PDE1C: variants seen among roughly 807,000 people sequenced by gnomAD.
PDE1C encodes dual specificity calcium/calmodulin-dependent 3',5'-cyclic nucleotide phosphodiesterase 1C.
PDE1C carries 62 observed loss-of-function variants against 93.1 expected under a neutral mutation model. The ratio of observed to expected loss-of-function variants is 0.67; its 90% CI spans 0.54 to 0.82. PDE1C has a LOEUF of 0.82. PDE1C is among the 40% of genes least tolerant of loss of function. The pLI, the probability that PDE1C is intolerant of heterozygous loss-of-function variation, is 0.00. For missense variants in PDE1C, 742 were observed against 884.6 expected, an observed-to-expected ratio of 0.84 and a Z score of 2.04; for synonymous variants, 325 against 310.1, an observed-to-expected ratio of 1.05 and a Z score of -0.50.
chr7:31,974,879 A>G (rs1033208852), intron 2 of PDE1C, among the ~76,000 whole-genome samples: 1 of 152,200 alleles, frequency 6.6e-6, no homozygotes, highest in Admixed American at 6.5e-5. Context: ...TCACAGATTA[A>G]TTTTATAATG....
rs1279017547 is a variant in PDE1C at position 31,828,352 on chromosome 7, C to T, written c.1225G>A (p.Gly409Arg). ...FRQGDREAEL[G>R]LPFSPLCDRK... The stretch of plus-strand genomic sequence containing the variant: ...TCACACAGAGGAGAAAAAGGCAGCC[C>T]CAGCTCTGCTTCTCTGTCACCCTGG... Residue 409 changes from glycine to arginine, a missense_variant, in exon 12 of 18, where the codon GGG becomes AGG. Gly to Arg is a moderately radical substitution (Grantham distance 125). Coordinates refer to ENST00000396191, the MANE Select transcript of PDE1C (RefSeq NM_001191057.4). 6.2e-7 allele frequency: 1 copy of T among 1,612,230 alleles called. No individual in the cohort carries two copies. The highest frequency in any genetic ancestry group is 1.3e-5 in the African/African-American group (1 of 74,828).
chr7:32,400,861 T>C (rs1434266236), intron 1 of PDE1C, among the ~76,000 whole-genome samples: 6 of 152,356 alleles, frequency 3.9e-5, no homozygotes. Flanking sequence ...TAGTTCCTGC[T>C]GAATGAGCTC....
the PDE1C span, among the ~76,000 whole-genome samples, chr7:31,647,657 G>C: frequency 1.8e-5 from 2 of 113,236 alleles, no homozygotes; most frequent in Admixed American, 2.5e-4. Flanking sequence ...CTGAGCAACA[G>C]AGAGAGTCTC....
rs560150328 is a variant in PDE1C, at chr7:32,370,935, T to C, written c.310+56887A>G. On this transcript the variant is annotated intron_variant, in intron 1 of 1. Transcript: ENST00000672256. ...TGCACCAGCATAGATGAAAACATTA[T>C]ATTAAGTGAAATAAGCCAGAAATAG... 9.6e-4 allele frequency among the ~76,000 whole-genome samples: 146 copies of C among 151,992 alleles called. 1 individual carries two copies. The highest frequency in any genetic ancestry group is 1.7e-3 in the Non-Finnish European group (115 of 68,002).
In PDE1C at chr7:32,418,082, G is replaced by C. The variant is rs146857779; in HGVS notation, c.310+9740C>G. ...GAGCTCACTGCAGCTTCAAACTCCT[G>C]GGCTCAAGTGATCCTCCAGCCTCAG... On this transcript the variant is annotated intron_variant, in intron 1 of 1. Transcript: ENST00000672256. Among the ~76,000 whole-genome samples the C allele has an allele frequency of 6.6e-3, 1,008 of 152,214 alleles. 12 individuals carry two copies. The highest frequency in any genetic ancestry group is 0.022 in the African/African-American group (932 of 41,520).
chr7:31,643,887 C>T, the PDE1C span: 1 of 1,613,752 alleles, frequency 6.2e-7, no homozygotes, highest in African/African-American at 1.3e-5. Flanking sequence ...TAACTGGTCA[C>T]CAGGAAGCCC....
At chr7:31,942,755 C>T (rs945126330) in intron 2 of PDE1C, among the ~76,000 whole-genome samples, 3 of 152,100 alleles carry the variant, frequency 2.0e-5, no homozygotes, top group South Asian at 2.1e-4. Context: ...CCTTGGGACA[C>T]GTTCCAATGA....
intron 1 of PDE1C, among the ~76,000 whole-genome samples, chr7:32,329,403 C>G (rs1412183903): frequency 6.6e-6 from 1 of 152,106 alleles, no homozygotes; most frequent in East Asian, 1.9e-4. Flanking sequence ...ACCCTGTGTA[C>G]TCTTCAACAG....
chr7:32,387,568 TAGGGGCGGCCGGGCA>T (rs1784656145), intron 1 of PDE1C, among the ~76,000 whole-genome samples: 1 of 137,788 alleles, frequency 7.3e-6, no homozygotes, highest in South Asian at 2.4e-4. Flanking sequence ...CACTTCCCAG[TAGGGGCGGCCGGGCA>T]GAGGCGCCCC....
chr7:31,757,715 C>G (rs868317916), intron 17 of PDE1C, among the ~76,000 whole-genome samples: 1 of 152,172 alleles, frequency 6.6e-6, no homozygotes, highest in Non-Finnish European at 1.5e-5. Context: ...TAAACTAGTT[C>G]AACCATTGTG....
chr7:32,231,932 G>A (rs1807716611), intron 1 of PDE1C, among the ~76,000 whole-genome samples: 2 of 149,414 alleles, frequency 1.3e-5, no homozygotes, highest in Non-Finnish European at 3.0e-5. Flanking sequence ...AGAACCAATC[G>A]TGATTAAAAC....
At chr7:31,760,797 A>G (rs1794786680) in intron 17 of PDE1C, among the ~76,000 whole-genome samples, 1 of 135,066 alleles carries the variant, frequency 7.4e-6, no homozygotes. Context: ...CACACACACC[A>G]AACCACATAT....
the PDE1C span, among the ~76,000 whole-genome samples, chr7:31,692,021 A>G: frequency 6.6e-6 from 1 of 152,162 alleles, no homozygotes; most frequent in Non-Finnish European, 1.5e-5. Flanking sequence ...ACATAATCCT[A>G]CTTTGCAGAA....
At chr7:32,100,917 A>G (rs1272335925) in intron 3 of PDE1C, among the ~76,000 whole-genome samples, 1 of 152,192 alleles carries the variant, frequency 6.6e-6, no homozygotes, top group African/African-American at 2.4e-5. Flanking sequence ...TCAATTCACC[A>G]TCACTTTGGC....
chr7:32,412,166 C>G (rs894530073), intron 1 of PDE1C, among the ~76,000 whole-genome samples: 1 of 152,020 alleles, frequency 6.6e-6, no homozygotes, highest in Non-Finnish European at 1.5e-5. Context: ...GAAAGCAGAC[C>G]AAATACGGCT....
At chr7:31,995,931 C>A (rs923706658) in intron 2 of PDE1C, among the ~76,000 whole-genome samples, 1 of 152,032 alleles carries the variant, frequency 6.6e-6, no homozygotes, top group Non-Finnish European at 1.5e-5. Context: ...GTAGAACGAC[C>A]CTTGGCAATG....
At chr7:31,699,408 T>C in the PDE1C span, among the ~76,000 whole-genome samples, 1 of 152,200 alleles carries the variant, frequency 6.6e-6, no homozygotes, top group African/African-American at 2.4e-5. Flanking sequence ...TTGGCAGTAT[T>C]CTGTCTTCTT....
At chr7:31,647,163 C>G in the PDE1C span, among the ~76,000 whole-genome samples, 1 of 152,190 alleles carries the variant, frequency 6.6e-6, no homozygotes, top group Non-Finnish European at 1.5e-5. Context: ...ACATTTAAAG[C>G]ACAAAGAGAA....
At chr7:31,775,030 C>G (rs563418974) in intron 17 of PDE1C, among the ~76,000 whole-genome samples, 1 of 152,118 alleles carries the variant, frequency 6.6e-6, no homozygotes, top group East Asian at 1.9e-4. Context: ...TGCATGGAGA[C>G]AGAATGATCA....
Sources: allele counts gnomAD v4.1 joint callset (sites outside exome capture counted in the v4.1 genomes callset), GRCh38; gene constraint gnomAD v4.1.1; transcripts MANE v1.5; gene names NCBI Gene and HGNC (gene_info 2026-07-23, HGNC 2026-07-21).